Variants in GRID2 observed in about 807,000 individuals in gnomAD.
GRID2 encodes glutamate ionotropic receptor delta type subunit 2.
In GRID2, 33 loss-of-function variants were observed where a neutral mutation model predicts 114.8. That is an observed-to-expected ratio of 0.29 (90% CI 0.22 to 0.38). The LOEUF (loss-of-function observed/expected upper bound fraction) is 0.38. Among genes scored for constraint, GRID2 ranks in the 10% least tolerant of loss-of-function variants. GRID2 has a pLI of 1.00. For synonymous variants in GRID2, 505 were observed against 449.9 expected, an observed-to-expected ratio of 1.12 and a Z score of -1.55; for missense variants, 1,184 against 1,257.7, an observed-to-expected ratio of 0.94 and a Z score of 0.89.
At chr4:93,502,207 C>G (rs1190236969) in intron 12 of GRID2, among the ~76,000 whole-genome samples, 2 of 152,184 alleles carry the variant, frequency 1.3e-5, no homozygotes, top group East Asian at 1.9e-4. Flanking sequence ...AGGTTCAAGT[C>G]TCTTTTCTCC....
intron 4 of GRID2, among the ~76,000 whole-genome samples, chr4:93,141,480 G>A (rs1467277293): frequency 6.6e-6 from 1 of 152,036 alleles, no homozygotes; most frequent in Non-Finnish European, 1.5e-5. Context: ...ATATCATCAT[G>A]AAAGAAGAAA....
intron 1 of GRID2, among the ~76,000 whole-genome samples, chr4:92,402,620 G>A (rs77002992): frequency 6.6e-6 from 1 of 152,240 alleles, no homozygotes; most frequent in East Asian, 1.9e-4. Context: ...CCAGATCTCA[G>A]CAGTTCACTT....
intron 1 of GRID2, among the ~76,000 whole-genome samples, chr4:92,343,369 C>G (rs1727607899): frequency 6.6e-6 from 1 of 151,922 alleles, no homozygotes; most frequent in Non-Finnish European, 1.5e-5. Flanking sequence ...TAAATGTACA[C>G]TCTCTGTATT....
chr4:92,876,337 C>T (rs973887413), intron 2 of GRID2, among the ~76,000 whole-genome samples: 17 of 151,364 alleles, frequency 1.1e-4, no homozygotes, highest in Non-Finnish European at 2.1e-4. Context: ...CTCGCTCTGT[C>T]GCCCAGGCTG....
chr4:92,819,032 G>C (rs1041195911), intron 2 of GRID2, among the ~76,000 whole-genome samples: 27 of 152,126 alleles, frequency 1.8e-4, no homozygotes, highest in African/African-American at 5.8e-4. Context: ...GGTTAGTAAT[G>C]GGCACTGAAT....
chr4:92,511,632 T>G (rs1200446159), intron 1 of GRID2, among the ~76,000 whole-genome samples: 1 of 151,860 alleles, frequency 6.6e-6, no homozygotes, highest in Non-Finnish European at 1.5e-5. Context: ...AGATCTTGAT[T>G]ACCTTAAGAA....
In GRID2 at chr4:93,705,811, A is replaced by C. The variant is rs530322146; in HGVS notation, c.2361-63399A>C. ...TTTTCTTTTAGGAGTTTCATAGTGG[A>C]GGTCTTATATTTAAGTCTCTAATCT... On this transcript the variant is annotated intron_variant, in intron 14 of 15. Transcript: ENST00000282020. 7.2e-4 allele frequency among the ~76,000 whole-genome samples: 109 copies of C among 152,190 alleles called. 1 individual carries two copies. Among genetic ancestry groups the C allele is most frequent in the African/African-American group, 2.6e-3 (107 of 41,526 alleles).
intron 2 of GRID2, among the ~76,000 whole-genome samples, chr4:93,010,288 A>G (rs1292189821): frequency 2.0e-5 from 3 of 152,176 alleles, no homozygotes; most frequent in East Asian, 3.9e-4. Context: ...TATATCAATC[A>G]TTAATATTTT....
At chr4:92,881,672 T>C (rs1001422062) in intron 2 of GRID2, among the ~76,000 whole-genome samples, 8 of 152,190 alleles carry the variant, frequency 5.3e-5, no homozygotes, top group African/African-American at 1.9e-4. Context: ...CTAAAAACTT[T>C]TGTTATAGTT....
intron 4 of GRID2, among the ~76,000 whole-genome samples, chr4:93,143,852 A>G (rs189633367): frequency 5.3e-5 from 8 of 152,154 alleles, no homozygotes; most frequent in Non-Finnish European, 8.8e-5. Flanking sequence ...CCTATCTTTT[A>G]TTTGCATTGC....
chr4:93,698,439 G>A (rs1483571325), intron 14 of GRID2, among the ~76,000 whole-genome samples: 2 of 151,952 alleles, frequency 1.3e-5, no homozygotes, highest in Non-Finnish European at 2.9e-5. Context: ...CTTTTTATAA[G>A]TACATGAAAA....
intron 13 of GRID2, among the ~76,000 whole-genome samples, chr4:93,541,164 A>G (rs1329950476): frequency 1.3e-5 from 2 of 152,180 alleles, no homozygotes; most frequent in Non-Finnish European, 2.9e-5. Context: ...TTTAAAAGGC[A>G]GAAGGAAGAC....
At chr4:93,262,696 G>A (rs182193822) in intron 8 of GRID2, among the ~76,000 whole-genome samples, 4 of 151,508 alleles carry the variant, frequency 2.6e-5, no homozygotes, top group South Asian at 2.1e-4. Flanking sequence ...TTTTACATAC[G>A]TTTTATAACT....
At chr4:93,704,380 T>C (rs892529483) in intron 14 of GRID2, among the ~76,000 whole-genome samples, 2 of 152,202 alleles carry the variant, frequency 1.3e-5, no homozygotes, top group Non-Finnish European at 2.9e-5. Flanking sequence ...GAGTTCATTG[T>C]AGAGTCTTGA....
intron 2 of GRID2, among the ~76,000 whole-genome samples, chr4:92,861,389 G>C (rs1200471110): frequency 6.6e-6 from 1 of 152,018 alleles, no homozygotes; most frequent in Non-Finnish European, 1.5e-5. Flanking sequence ...AATTACGCAG[G>C]GGACACGCAC....
At chr4:93,732,517 A>T (rs769741539) in intron 14 of GRID2, among the ~76,000 whole-genome samples, 3 of 152,104 alleles carry the variant, frequency 2.0e-5, no homozygotes, top group Non-Finnish European at 4.4e-5. Context: ...GTTTACAGGA[A>T]TATATTTTAT....
At chr4:92,510,523 T>C (rs1490426693) in intron 1 of GRID2, among the ~76,000 whole-genome samples, 1 of 151,778 alleles carries the variant, frequency 6.6e-6, no homozygotes, top group Non-Finnish European at 1.5e-5. Context: ...AAGGGTTTGA[T>C]AGAAGCAAAC....
chr4:92,950,160 A>G (rs1262804630), intron 2 of GRID2, among the ~76,000 whole-genome samples: 1 of 152,154 alleles, frequency 6.6e-6, no homozygotes, highest in Non-Finnish European at 1.5e-5. Flanking sequence ...AGTTTCCTGC[A>G]TCACACCTTC....
At chr4:92,628,028 G>A (rs950495892) in intron 2 of GRID2, among the ~76,000 whole-genome samples, 3 of 152,066 alleles carry the variant, frequency 2.0e-5, no homozygotes, top group South Asian at 2.1e-4. Flanking sequence ...AAATATGATC[G>A]AGAGCATAGC....
Sources: allele counts gnomAD v4.1 joint callset (sites outside exome capture counted in the v4.1 genomes callset), GRCh38; gene constraint gnomAD v4.1.1; transcripts MANE v1.5; gene names NCBI Gene and HGNC (gene_info 2026-07-23, HGNC 2026-07-21).